Variants in ZNF185 observed in about 807,000 individuals in gnomAD.
ZNF185 encodes zinc finger protein 185.
ZNF185 carries 56 observed loss-of-function variants against 58.6 expected under a neutral mutation model. The ratio of observed to expected loss-of-function variants is 0.95; its 90% CI spans 0.77 to 1.19. ZNF185 has a LOEUF of 1.19. Ranked by LOEUF, ZNF185 falls within the 50% of genes most tolerant of loss-of-function variation. The pLI, the probability that ZNF185 is intolerant of heterozygous loss-of-function variation, is 0.00. For missense variants in ZNF185, 627 were observed against 573.5 expected, an observed-to-expected ratio of 1.09 and a Z score of -0.95; for synonymous variants, 230 against 215.9, an observed-to-expected ratio of 1.07 and a Z score of -0.57.
intron 16 of ZNF185, among the ~76,000 whole-genome samples, chrX:152,955,122 A>T (rs1183530320): frequency 8.9e-6 from 1 of 111,845 alleles, no homozygotes; most frequent in African/African-American, 3.3e-5. Context: ...AGAGTTAGCT[A>T]TTGTTACAGG....
chrX:152,910,320 A>G, upstream of ZNF185, among the ~76,000 whole-genome samples: 1 of 112,511 alleles, frequency 8.9e-6, no homozygotes, highest in Non-Finnish European at 1.9e-5. Context: ...ATACACGTTC[A>G]TGACAGGAAA....
exon 2 of ZNF185, chrX:152,914,786 G>A: frequency 2.5e-6 from 3 of 1,189,250 alleles, no homozygotes; most frequent in Non-Finnish European, 3.4e-6. Flanking sequence ...CGCTGAAGGG[G>A]GACAAGAGCT....
intron 16 of ZNF185, among the ~76,000 whole-genome samples, chrX:152,946,419 G>A (rs1178432802): frequency 2.7e-5 from 3 of 112,066 alleles, no homozygotes; most frequent in Non-Finnish European, 3.8e-5. Context: ...TAGATAACAA[G>A]TTTTACCTTC....
At chrX:152,964,825 G>A (rs2049947387) in intron 18 of ZNF185, among the ~76,000 whole-genome samples, 1 of 110,522 alleles carries the variant, frequency 9.0e-6, no homozygotes, top group African/African-American at 3.3e-5. Flanking sequence ...CAGCAGGCTG[G>A]AGTGTGCAGC....
chrX:152,912,974 G>C (rs1207032352), upstream of ZNF185, among the ~76,000 whole-genome samples: 2 of 113,025 alleles, frequency 1.8e-5, no homozygotes, highest in Non-Finnish European at 3.8e-5. Flanking sequence ...TGCCATTCCT[G>C]GCACACAGCA....
At chrX:152,931,923 T>TG (rs1942059032) in intron 13 of ZNF185, 147 bp downstream of exon 14, 2 of 401,507 alleles carry the variant, frequency 5.0e-6, no homozygotes, top group Non-Finnish European at 4.2e-6. Flanking sequence ...CCCCAGTACC[T>TG]GGGGTACTGC....
intron 11 of ZNF185, 23 bp from the exon 13 acceptor site, chrX:152,928,552 T>A (rs782072411): frequency 1.2e-4 from 145 of 1,208,743 alleles, no homozygotes; most frequent in Non-Finnish European, 1.5e-4. Flanking sequence ...TGCAACCCAC[T>A]GGGTCTCTCC....
upstream of ZNF185, among the ~76,000 whole-genome samples, chrX:152,910,213 A>G (rs1257982263): frequency 8.9e-6 from 1 of 111,798 alleles, no homozygotes; most frequent in Non-Finnish European, 1.9e-5. Flanking sequence ...CGGCCCTGGT[A>G]TCAACTCTTG....
chrX:152,914,075 T>C (rs1466016981), upstream of ZNF185, among the ~76,000 whole-genome samples: 1 of 110,924 alleles, frequency 9.0e-6, no homozygotes, highest in African/African-American at 3.3e-5. Context: ...TCCCACCCTC[T>C]GAGTCCACCA....
At chrX:152,911,920 G>A, upstream of ZNF185, among the ~76,000 whole-genome samples, 1 of 63,647 alleles carries the variant, frequency 1.6e-5, no homozygotes. Flanking sequence ...CATCCCATCT[G>A]ATCCGTCCAT....
At chrX:152,928,952 C>T (rs782768072) in intron 12 of ZNF185, among the ~76,000 whole-genome samples, 24 of 112,794 alleles carry the variant, frequency 2.1e-4, no homozygotes, top group African/African-American at 6.4e-4. Context: ...GGGAGGCAGA[C>T]GCCGACATGA....
chrX:152,904,433 C>A, the ZNF185 span, among the ~76,000 whole-genome samples: 1 of 112,981 alleles, frequency 8.9e-6, no homozygotes, highest in Non-Finnish European at 1.9e-5. Flanking sequence ...TGTCTGCTGA[C>A]TGTTGCCTTG....
At chrX:152,920,660 T>C (rs372168708) in intron 8 of ZNF185, 47 bp from the exon 10 acceptor site, 2 of 1,208,132 alleles carry the variant, frequency 1.7e-6, no homozygotes, top group Non-Finnish European at 2.2e-6. Flanking sequence ...TGATGTCACC[T>C]GCCCACGGGC....
chrX:152,911,666 C>A (rs1485537550), upstream of ZNF185, among the ~76,000 whole-genome samples: 1 of 64,287 alleles, frequency 1.6e-5, no homozygotes, highest in Non-Finnish European at 3.0e-5. Context: ...CCCATCCCAT[C>A]CCTCCCATCC....
intron 16 of ZNF185, among the ~76,000 whole-genome samples, chrX:152,956,771 C>T (rs184028813): frequency 3.8e-5 from 4 of 106,187 alleles, no homozygotes; most frequent in African/African-American, 1.6e-4. Flanking sequence ...TTTATTTTGA[C>T]AATGCCTCCC....
the ZNF185 span, among the ~76,000 whole-genome samples, chrX:152,906,786 T>C: frequency 9.1e-6 from 1 of 110,317 alleles, no homozygotes; most frequent in Non-Finnish European, 1.9e-5. Context: ...CACCTCTGCC[T>C]GTGGCACACC....
intron 14 of ZNF185, 82 bp from the exon 16 acceptor site, chrX:152,936,336 G>A: frequency 1.2e-6 from 1 of 816,632 alleles, no homozygotes; most frequent in South Asian, 2.4e-5. Context: ...ATCTGTGGGG[G>A]GCAGGATCCA....
chrX:152,936,765 TGGCAGAGAGGAGGGCATCTGAA>T (rs1183370324), intron 14 of ZNF185, among the ~76,000 whole-genome samples: 1 of 109,883 alleles, frequency 9.1e-6, no homozygotes, highest in Admixed American at 9.7e-5. Context: ...CAAGCTGAGG[TGGCAGAGAGGAGGGCATCTGAA>T]GGCAGAGCCT....
chrX:152,942,223 T>G (rs782709945), intron 15 of ZNF185, among the ~76,000 whole-genome samples: 84 of 112,166 alleles, frequency 7.5e-4, no homozygotes, highest in African/African-American at 2.5e-3. Context: ...CAGTTTTAAC[T>G]GTCCCAAACT....
Sources: gnomAD v4.1 joint callset for allele counts (sites outside exome capture counted in the v4.1 genomes callset) on GRCh38, gnomAD v4.1.1 for gene constraint, MANE v1.5 for transcripts, NCBI Gene and HGNC (gene_info 2026-07-23, HGNC 2026-07-21) for gene names.